Variants in MTHFD2L observed in about 807,000 individuals in gnomAD.
The protein encoded by MTHFD2L is methylenetetrahydrofolate dehydrogenase (NADP+ dependent) 2 like, also known as bifunctional methylenetetrahydrofolate dehydrogenase/cyclohydrolase 2, mitochondrial.
In MTHFD2L, 29 loss-of-function variants were observed where a neutral mutation model predicts 34.9. The ratio of observed to expected loss-of-function variants is 0.83; its 90% confidence interval spans 0.62 to 1.13. The LOEUF is 1.13. Among genes scored for constraint, MTHFD2L ranks in the 50% most tolerant of loss-of-function variants. MTHFD2L has a pLI of 0.00. For missense variants in MTHFD2L, 481 were observed against 446.5 expected, an observed-to-expected ratio of 1.08 and a Z score of -0.70; for synonymous variants, 167 against 155.7, an observed-to-expected ratio of 1.07 and a Z score of -0.54.
chr4:74,121,098 C>T (rs1444028551), upstream of MTHFD2L, among the ~76,000 whole-genome samples: 2 of 152,162 alleles, frequency 1.3e-5, no homozygotes, highest in African/African-American at 2.4e-5. Flanking sequence ...CCATGGCCTT[C>T]TTTCTCCCAG....
At chr4:74,247,749 T>A (rs1378729332) in intron 6 of MTHFD2L, among the ~76,000 whole-genome samples, 8 of 152,234 alleles carry the variant, frequency 5.3e-5, no homozygotes, top group African/African-American at 1.7e-4. Flanking sequence ...ATGTGGTTTT[T>A]GTCTTTGGTT....
At chr4:74,232,903 A>T (rs1267631753) in intron 6 of MTHFD2L, among the ~76,000 whole-genome samples, 1 of 152,152 alleles carries the variant, frequency 6.6e-6, no homozygotes. Context: ...GTTCTTGACT[A>T]TTGGACATTT....
chr4:74,179,035 A>G (rs997328664), intron 3 of MTHFD2L, among the ~76,000 whole-genome samples: 6 of 151,992 alleles, frequency 3.9e-5, no homozygotes, highest in Non-Finnish European at 7.4e-5. Flanking sequence ...GGATTATTTT[A>G]TTGAATCCTA....
chr4:74,300,993 C>T (rs948947077), intron 7 of MTHFD2L, among the ~76,000 whole-genome samples: 1 of 152,066 alleles, frequency 6.6e-6, no homozygotes, highest in Non-Finnish European at 1.5e-5. Context: ...TACCACTACT[C>T]AGCATCTTGA....
chr4:74,236,924 T>C (rs1740925425), intron 6 of MTHFD2L, among the ~76,000 whole-genome samples: 1 of 152,182 alleles, frequency 6.6e-6, no homozygotes, highest in African/African-American at 2.4e-5. Context: ...AAATAAACCT[T>C]ACTTTTATGG....
chr4:74,167,271 C>T (rs932843517), intron 1 of MTHFD2L, among the ~76,000 whole-genome samples: 1 of 152,196 alleles, frequency 6.6e-6, no homozygotes, highest in Admixed American at 6.5e-5. Flanking sequence ...TCAAGAATCT[C>T]TAGATCCACT....
At chr4:74,223,027 A>T (rs1738482434) in intron 5 of MTHFD2L, among the ~76,000 whole-genome samples, 1 of 152,098 alleles carries the variant, frequency 6.6e-6, no homozygotes, top group African/African-American at 2.4e-5. Flanking sequence ...CAGCAGGGTA[A>T]TTCCTCAGAG....
chr4:74,296,646 G>T (rs1052314072), intron 7 of MTHFD2L, among the ~76,000 whole-genome samples: 20 of 151,918 alleles, frequency 1.3e-4, no homozygotes, highest in African/African-American at 4.6e-4. Flanking sequence ...TCTCCATTCC[G>T]TTTATATGTA....
In MTHFD2L at chr4:74,136,692, G is replaced by A. The variant is rs1722959978; in HGVS notation, c.-297+11175G>A. 2.0e-5 allele frequency among the ~76,000 whole-genome samples: 3 copies of A among 152,038 alleles called. No individual in the cohort carries two copies. In the South Asian group the frequency reaches 6.2e-4, roughly 32 times the overall value. On this transcript the variant is annotated intron_variant, in intron 1 of 7. Coordinates refer to the MTHFD2L transcript ENST00000433372. The stretch of plus-strand genomic sequence containing the variant: ...AGCAATCCTGAACAAAAAGAACAAA[G>A]CTGTATACATCACACTACCTGACTT...
intron 1 of MTHFD2L, among the ~76,000 whole-genome samples, chr4:74,162,411 G>C (rs1560428116): frequency 6.6e-6 from 1 of 151,822 alleles, no homozygotes; most frequent in South Asian, 2.1e-4. Context: ...GCTCATTAGA[G>C]TGTTCCTAGA....
intron 3 of MTHFD2L, among the ~76,000 whole-genome samples, chr4:74,192,289 G>A (rs954365125): frequency 6.6e-6 from 1 of 152,012 alleles, no homozygotes; most frequent in Non-Finnish European, 1.5e-5. Context: ...AAACATACAG[G>A]AAAACTAAAA....
chr4:74,209,475 G>A (rs1171464829), intron 5 of MTHFD2L, among the ~76,000 whole-genome samples: 2 of 152,144 alleles, frequency 1.3e-5, no homozygotes, highest in African/African-American at 4.8e-5. Flanking sequence ...TTAGTTTGCT[G>A]ACAATGATGG....
rs926703791 is a variant in MTHFD2L at position 74,178,934 on chromosome 4, C to A, written c.451+3531C>A. On this transcript the variant is annotated intron_variant, in intron 3 of 7. Transcript: ENST00000325278. The stretch of plus-strand genomic sequence containing the variant: ...CAGACTGGCCCCCATGCCAAGAATA[C>A]TCTTACCGATTATGTTAGCACCCTC... 1.9e-4 allele frequency among the ~76,000 whole-genome samples: 29 copies of A among 152,024 alleles called. 1 individual carries two copies. The highest frequency in any genetic ancestry group is 7.0e-4 in the African/African-American group (29 of 41,392).
rs776064283 is a variant in MTHFD2L at position 74,174,678 on chromosome 4, G to T, written c.316G>T (p.Ala106Ser). 6.5e-7 allele frequency: 1 copy of T among 1,537,034 alleles called. No homozygotes were observed. The highest frequency in any genetic ancestry group is 1.4e-5 in the African/African-American group (1 of 70,904). The stretch of plus-strand genomic sequence containing the variant: ...ATATGTCAGGAATAAGATAAGAGCT[G>T]CCTCTGCTGTAGGTGGGTGTGTGTT... ...HTYVRNKIRA[A>S]SAVGICSELI... Residue 106 changes from alanine to serine, a missense_variant, in exon 2 of 8, where the codon GCC (alanine) becomes TCC (serine). Physicochemically the swap from Ala to Ser is moderately conservative, Grantham distance 99 (BLOSUM62 1). Coordinates refer to ENST00000325278, the MANE Select transcript of MTHFD2L (RefSeq NM_001144978.3).
intron 7 of MTHFD2L, among the ~76,000 whole-genome samples, chr4:74,299,745 T>A (rs1176613006): frequency 1.3e-5 from 2 of 152,036 alleles, no homozygotes; most frequent in Non-Finnish European, 2.9e-5. Context: ...TATGGAGATA[T>A]TCTAAGATTA....
At chr4:74,193,891 A>G (rs1733019436) in intron 3 of MTHFD2L, 2 of 152,136 alleles carry the variant, frequency 1.3e-5, no homozygotes, top group African/African-American at 4.8e-5. Flanking sequence ...TCTGATCTCT[A>G]TGCCTCTTTA....
chr4:74,300,989 T>G (rs149983451), intron 7 of MTHFD2L, among the ~76,000 whole-genome samples: 1 of 152,242 alleles, frequency 6.6e-6, no homozygotes, highest in Non-Finnish European at 1.5e-5. Context: ...TTATTACCAC[T>G]ACTCAGCATC....
intron 1 of MTHFD2L, among the ~76,000 whole-genome samples, chr4:74,131,767 A>C (rs909709076): frequency 5.9e-5 from 9 of 152,238 alleles, no homozygotes; most frequent in Non-Finnish European, 1.3e-4. Context: ...TCTGCACAGC[A>C]AAAGAAACTA....
Position 74,175,339 on chromosome 4 carries a change from C to A in MTHFD2L, c.387C>A (p.Asp129Glu), listed in dbSNP as rs140401598. Residue 129 changes from aspartate to glutamate, a missense_variant, in exon 3 of 8, where the codon GAC becomes GAA. Physicochemically the swap from Asp to Glu is conservative, Grantham distance 45. Coordinates refer to ENST00000325278, the MANE Select transcript of MTHFD2L (RefSeq NM_001144978.3). ...PKDVSQEELL[D>E]VTDQLNMDPR... ...ATGTTTCTCAGGAAGAACTTTTGGA[C>A]GTAACTGATCAATTGAATATGGACC... 39 of 1,612,904 alleles carry A rather than the reference C, an allele frequency of 2.4e-5. No individual in the cohort carries two copies. The highest frequency in any genetic ancestry group is 3.2e-5 in the Non-Finnish European group (38 of 1,179,274).
Sources: gnomAD v4.1 joint callset for allele counts (sites outside exome capture counted in the v4.1 genomes callset) on GRCh38, gnomAD v4.1.1 for gene constraint, MANE v1.5 for transcripts, NCBI Gene and HGNC (gene_info 2026-07-23, HGNC 2026-07-21) for gene names.